The following RPUSD4 variants were observed in gnomAD, a reference collection of about 807,000 sequenced individuals.
The protein encoded by RPUSD4 is pseudouridylate synthase RPUSD4, mitochondrial.
A neutral mutation model predicts 35.4 loss-of-function variants in RPUSD4; 37 were observed. The ratio of observed to expected loss-of-function variants is 1.04; its 90% CI spans 0.80 to 1.37. The LOEUF (loss-of-function observed/expected upper bound fraction) is 1.37. Among genes scored for constraint, RPUSD4 ranks in the 40% most tolerant of loss-of-function variants. The pLI, the probability that RPUSD4 is intolerant of heterozygous loss-of-function variation, is 0.00. For synonymous variants in RPUSD4, 210 were observed against 192.7 expected, an observed-to-expected ratio of 1.09 and a Z score of -0.74; for missense variants, 507 against 484.9, an observed-to-expected ratio of 1.05 and a Z score of -0.43.
At chr11:126,204,365 T>G (rs750130660) in intron 5 of RPUSD4, 37 bp from the exon 6 acceptor site, 29 of 1,501,688 alleles carry the variant, frequency 1.9e-5, no homozygotes, top group South Asian at 1.1e-5. Flanking sequence ...AGAAAACTCG[T>G]GAGGAGCTAC....
At chr11:126,209,889 AGAAGTGAATCTCAGGCTC>A (rs1428421383) in intron 2 of RPUSD4, among the ~76,000 whole-genome samples, 167 bp from the exon 3 acceptor site, 1 of 152,242 alleles carries the variant, frequency 6.6e-6, no homozygotes, top group Non-Finnish European at 1.5e-5. Context: ...GGAGCTTATT[AGAAGTGAATCTCAGGCTC>A]TCAACCTAGA....
rs201545291 is a variant in RPUSD4 at position 126,205,550 on chromosome 11, C to A, written c.714G>T (p.Arg238=). Residue 238 remains arginine, a synonymous_variant, in exon 5 of 7, where the codon CGG becomes CGT. Coordinates refer to ENST00000298317, the MANE Select transcript of RPUSD4 (RefSeq NM_032795.3). ...ACTGAGTTACAGCAACTTGCGCATT[C>A]CGGCTGCGCCGCACTTTCACCATTT... ...DGKMVKVRRS[R]NAQVAVTQYQ... 431 of 1,614,148 alleles carry A rather than the reference C, an allele frequency of 2.7e-4. No homozygotes were observed. The highest frequency in any genetic ancestry group is 3.4e-4 in the Non-Finnish European group (401 of 1,180,054).
intron 1 of RPUSD4, 140 bp from the exon 2 acceptor site, chr11:126,211,195 G>A (rs1451956459): frequency 9.4e-7 from 1 of 1,061,700 alleles, no homozygotes; most frequent in Non-Finnish European, 1.4e-6. Flanking sequence ...TAATTTGAGA[G>A]CAGAGATACC....
In RPUSD4 at chr11:126,211,521, C is replaced by T; in HGVS notation, c.118G>A (p.Ala40Thr). Residue 40 changes from alanine to threonine, a missense_variant, in exon 1 of 7, where the codon GCC (alanine) becomes ACC (threonine). Coordinates refer to ENST00000298317, the MANE Select transcript of RPUSD4 (RefSeq NM_032795.3). Reference sequence around the variant, plus strand: ...TCCGCTAATCTCTGGGCATTTATGGCCGTAGAGGCAGCGGCAGCGGCACAA... The same window carrying T: ...TCCGCTAATCTCTGGGCATTTATGGTCGTAGAGGCAGCGGCAGCGGCACAA... ...PFCAAAAAST[A>T]INAQRLAEKL... 1 of 1,614,206 alleles carries T rather than the reference C, an allele frequency of 6.2e-7. No homozygotes were observed. The highest frequency in any genetic ancestry group is 1.1e-5 in the South Asian group (1 of 91,090).
rs200605394 is a variant in RPUSD4, at chr11:126,204,197, G to A, written c.894+34C>T. The A allele has an allele frequency of 1.5e-4, 209 of 1,437,532 alleles. 1 individual carries two copies. The highest frequency in any genetic ancestry group is 3.0e-4 in the East Asian group (13 of 43,806). The allele number at this position is 1,437,532 out of a possible 1,614,324, so 89.0% of individuals were successfully genotyped here. A position where few individuals can be genotyped will look rare whatever the true frequency, so the allele number is the denominator to read the frequency against. ...AAAAGGAACGCCTAAGTTCTCTCCC[G>A]TATCTGCTGCACATTGGGTCAAATT... On this transcript the variant is annotated intron_variant, in intron 6 of 6. Transcript: ENST00000298317.
Position 126,205,725 on chromosome 11 carries a change from A to G in RPUSD4, c.614T>C (p.Val205Ala). ...CTGCTGGCCTTGCGCCTCCTTCTCCACAATGGGGATGTCCACGACTCCTGC... is the reference window on the plus strand; with the variant it reads ...CTGCTGGCCTTGCGCCTCCTTCTCCGCAATGGGGATGTCCACGACTCCTGC... The part of the protein sequence containing the change: ...PSAGVVDIPI[V>A]EKEAQGQQQH... Residue 205 changes from valine to alanine, a missense_variant, in exon 4 of 7, where the codon GTG becomes GCG. Physicochemically the swap from Val to Ala is moderately conservative, Grantham distance 64 (BLOSUM62 0). Transcript: ENST00000298317. 1 of 1,613,450 alleles carries G rather than the reference A, an allele frequency of 6.2e-7. No individual in the cohort carries two copies. Among genetic ancestry groups the G allele is most frequent in the Non-Finnish European group, 8.5e-7 (1 of 1,179,564 alleles).
Position 126,205,499 on chromosome 11 carries a change from G to A in RPUSD4, c.765C>T (p.Ser255=), listed in dbSNP as rs780563320. The part of the protein sequence containing the change: ...TQYQVLSSTL[S]SALVELQPIT... Reference sequence around the variant, plus strand: ...TGGGCTGGAGCTCCACGAGGGCGGAGGAGAGAGTGCTGCTGAGCACCTGGT... The same window carrying A: ...TGGGCTGGAGCTCCACGAGGGCGGAAGAGAGAGTGCTGCTGAGCACCTGGT... The change falls in exon 5 of 7, where the codon TCC becomes TCT. Residue 255 remains serine, a synonymous_variant. Coordinates refer to ENST00000298317, the MANE Select transcript of RPUSD4 (RefSeq NM_032795.3). 41 of 1,614,156 alleles carry A rather than the reference G, an allele frequency of 2.5e-5. No homozygotes were observed. In the African/African-American group the frequency reaches 4.9e-4, roughly 19 times the overall value.
chr11:126,207,085 CTA>C, intron 3 of RPUSD4, among the ~76,000 whole-genome samples: 1 of 152,268 alleles, frequency 6.6e-6, no homozygotes, highest in South Asian at 2.1e-4. Context: ...AAATAAGTCT[CTA>C]TTTTTTATTT....
At chr11:126,205,887 TTTC>T in intron 3 of RPUSD4, 106 bp from the exon 4 acceptor site, 1 of 751,758 alleles carries the variant, frequency 1.3e-6, no homozygotes, top group East Asian at 2.8e-5. Context: ...TAACATGTGA[TTTC>T]TTATGATTGA....
intron 5 of RPUSD4, among the ~76,000 whole-genome samples, 170 bp downstream of exon 5, chr11:126,205,298 T>A (rs1218143692): frequency 1.3e-5 from 2 of 152,220 alleles, no homozygotes; most frequent in Non-Finnish European, 2.9e-5. Context: ...CCTGTTTGTA[T>A]TCTTCTGCTA....
At chr11:126,207,599 G>T (rs754821601) in intron 3 of RPUSD4, among the ~76,000 whole-genome samples, 1 of 152,194 alleles carries the variant, frequency 6.6e-6, no homozygotes, top group Non-Finnish European at 1.5e-5. Context: ...AGCTGTAAGC[G>T]CTGTAATCCT....
rs1182974601 is a variant in RPUSD4, at chr11:126,202,486, G to A, written c.*932C>T. ...CCAACCAAAGCCATCTCCAAGCCTA[G>A]AAAGGATACATACTACACGCAGCGA... On this transcript the variant is annotated 3_prime_UTR_variant, in exon 7 of 7. Coordinates refer to ENST00000298317, the MANE Select transcript of RPUSD4 (RefSeq NM_032795.3). 1 of 152,200 alleles carries A rather than the reference G, an allele frequency of 6.6e-6. No individual in the cohort carries two copies. Among genetic ancestry groups the A allele is most frequent in the Non-Finnish European group, 1.5e-5 (1 of 68,048 alleles). 9.4% of individuals were successfully genotyped at this position (152,200 alleles called of 1,614,324 possible).
In RPUSD4 at chr11:126,203,642, T is replaced by C. The variant is rs1185357173; in HGVS notation, c.910A>G (p.Thr304Ala). The C allele has an allele frequency of 1.9e-6, 3 of 1,612,796 alleles. No individual in the cohort carries two copies. Among genetic ancestry groups the C allele is most frequent in the African/African-American group, 2.7e-5 (2 of 74,868 alleles). Residue 304 changes from threonine (T) to alanine (A), a missense_variant, in exon 7 of 7, where the codon ACC becomes GCC. Coordinates refer to ENST00000298317, the MANE Select transcript of RPUSD4 (RefSeq NM_032795.3). ...TGTTCTAGCCCCAGCTTCTTCAGGGTGCCCACAGACAGCTTCTATACAAAG... is the reference window on the plus strand; with the variant it reads ...TGTTCTAGCCCCAGCTTCTTCAGGGCGCCCACAGACAGCTTCTATACAAAG... ...RLAPQKLSVG[T>A]LKKLGLEQSK...
intron 2 of RPUSD4, 81 bp downstream of exon 2, chr11:126,210,809 A>C (rs1294024741): frequency 7.1e-7 from 1 of 1,401,396 alleles, no homozygotes; most frequent in Non-Finnish European, 9.8e-7. Context: ...TTTAGAGTGC[A>C]CCACAAGTAA....
chr11:126,203,308 C>T lies in RPUSD4; in HGVS notation c.*110G>A. The T allele has an allele frequency of 6.7e-7, 1 of 1,490,426 alleles. No homozygotes were observed. The highest frequency in any genetic ancestry group is 9.1e-7 in the Non-Finnish European group (1 of 1,104,950). The allele number at this position is 1,490,426 out of a possible 1,614,324, so 92.3% of individuals were successfully genotyped here. A position where few individuals can be genotyped will look rare whatever the true frequency, so the allele number is the denominator to read the frequency against. On this transcript the variant is annotated 3_prime_UTR_variant, in exon 7 of 7. Transcript: ENST00000298317. Reference sequence around the variant, plus strand: ...CAGTCTGTTCCAAGTGAGAAGTTAGCAGAGTCCTGTAAACAAAGAACAGTT... The same window carrying T: ...CAGTCTGTTCCAAGTGAGAAGTTAGTAGAGTCCTGTAAACAAAGAACAGTT...
At chr11:126,206,698 G>A (rs938999461) in intron 3 of RPUSD4, 1 of 152,166 alleles carries the variant, frequency 6.6e-6, no homozygotes, top group East Asian at 1.9e-4. Context: ...GTAAATTTAT[G>A]CCTCTTTCAG....
intron 3 of RPUSD4, among the ~76,000 whole-genome samples, chr11:126,207,072 G>GA (rs1489309090): frequency 2.0e-5 from 3 of 152,082 alleles, no homozygotes; most frequent in Non-Finnish European, 4.4e-5. Flanking sequence ...TGCTTGAATA[G>GA]AAAAATAAGT....
At chr11:126,206,095 T>C (rs910176388) in intron 3 of RPUSD4, 1 of 211,846 alleles carries the variant, frequency 4.7e-6, no homozygotes, top group African/African-American at 2.3e-5. Context: ...AAAATTATGG[T>C]AATATAGTTT....
rs779158719 is a variant in RPUSD4, at chr11:126,211,059, G to C, written c.190-4C>G. On this transcript the variant is annotated splice_polypyrimidine_tract_variant and splice_region_variant and intron_variant, in intron 1 of 6. Coordinates refer to ENST00000298317, the MANE Select transcript of RPUSD4 (RefSeq NM_032795.3). The stretch of plus-strand genomic sequence containing the variant: ...GCTGAACAGCGTTTGTGGACACCTA[G>C]GGAGAAAGAAGGAGCCGTGGGGAAT... The C allele has an allele frequency of 6.2e-7, 1 of 1,610,572 alleles. No individual in the cohort carries two copies. The highest frequency in any genetic ancestry group is 1.1e-5 in the South Asian group (1 of 91,026).
Sources: allele counts gnomAD v4.1 joint callset (sites outside exome capture counted in the v4.1 genomes callset), GRCh38; gene constraint gnomAD v4.1.1; transcripts MANE v1.5; gene names NCBI Gene and HGNC (gene_info 2026-07-23, HGNC 2026-07-21).